Variants in SLC9A9 observed in about 807,000 individuals in gnomAD.
SLC9A9 encodes the protein sodium/hydrogen exchanger 9.
In SLC9A9, 62 loss-of-function variants were observed where a neutral mutation model predicts 77.8. The observed-to-expected ratio is 0.80, with a 90% CI of 0.65 to 0.98. SLC9A9 has a LOEUF of 0.98. SLC9A9 is among the 50% of genes least tolerant of loss of function. The probability of loss-of-function intolerance (pLI) is 0.00; values close to 1 mark genes in which losing one functional copy is unlikely to be tolerated. For missense variants in SLC9A9, 775 were observed against 774.9 expected, an observed-to-expected ratio of 1.00 and a Z score of 0.00; for synonymous variants, 320 against 283.5, an observed-to-expected ratio of 1.13 and a Z score of -1.29.
intron 12 of SLC9A9, among the ~76,000 whole-genome samples, chr3:143,405,816 A>T (rs1027811864): frequency 2.0e-5 from 3 of 152,216 alleles, no homozygotes; most frequent in Non-Finnish European, 4.4e-5. Flanking sequence ...GAGGGAGAAC[A>T]GCATATTCTG....
chr3:143,808,928 G>A (rs2008794023), intron 2 of SLC9A9, among the ~76,000 whole-genome samples: 1 of 152,104 alleles, frequency 6.6e-6, no homozygotes, highest in African/African-American at 2.4e-5. Flanking sequence ...CATAGCATTT[G>A]AAGAAACTGC....
chr3:143,439,062 A>C (rs1034307605), intron 12 of SLC9A9, among the ~76,000 whole-genome samples: 1 of 152,220 alleles, frequency 6.6e-6, no homozygotes, highest in Non-Finnish European at 1.5e-5. Flanking sequence ...ATAAAGATAA[A>C]TGAGCAGTGT....
intron 1 of SLC9A9, among the ~76,000 whole-genome samples, chr3:143,834,030 C>G (rs1008423754): frequency 6.6e-6 from 1 of 152,108 alleles, no homozygotes; most frequent in African/African-American, 2.4e-5. Flanking sequence ...GGGGAGTAAA[C>G]CAATCATGCT....
chr3:143,660,009 CT>C (rs2038956045), intron 5 of SLC9A9, among the ~76,000 whole-genome samples: 2 of 152,216 alleles, frequency 1.3e-5, no homozygotes, highest in Non-Finnish European at 2.9e-5. Flanking sequence ...CGTAACTTTG[CT>C]CTTCATTTGC....
intron 12 of SLC9A9, among the ~76,000 whole-genome samples, chr3:143,390,458 G>A (rs766496909): frequency 1.3e-5 from 2 of 152,164 alleles, no homozygotes; most frequent in Non-Finnish European, 2.9e-5. Context: ...GATAATACAT[G>A]TAAGGGGTGA....
chr3:143,633,523 A>G (rs1041801987), intron 6 of SLC9A9, among the ~76,000 whole-genome samples: 2 of 152,110 alleles, frequency 1.3e-5, no homozygotes, highest in Non-Finnish European at 2.9e-5. Context: ...AGCACAGTAT[A>G]TTTAATCTTT....
chr3:143,779,560 G>T (rs1051235978), intron 4 of SLC9A9, among the ~76,000 whole-genome samples: 2 of 151,984 alleles, frequency 1.3e-5, no homozygotes, highest in African/African-American at 4.8e-5. Flanking sequence ...TAGTACAGTC[G>T]GGGTTTCACC....
intron 12 of SLC9A9, among the ~76,000 whole-genome samples, chr3:143,455,686 T>C (rs1354341879): frequency 6.6e-6 from 1 of 152,174 alleles, no homozygotes; most frequent in Non-Finnish European, 1.5e-5. Context: ...GAAGTGGTAT[T>C]GACTTTATTA....
chr3:143,705,259 G>A (rs1258998707), intron 4 of SLC9A9, among the ~76,000 whole-genome samples: 6 of 151,970 alleles, frequency 3.9e-5, no homozygotes, highest in Non-Finnish European at 7.4e-5. Flanking sequence ...TGAACTCACA[G>A]AAATAGAAAG....
intron 2 of SLC9A9, among the ~76,000 whole-genome samples, chr3:143,805,192 T>C (rs1468989588): frequency 1.3e-5 from 2 of 152,136 alleles, no homozygotes. Flanking sequence ...GTATCTTCCA[T>C]TTAGTTTCTC....
At chr3:143,838,933 C>T (rs2009639672) in intron 1 of SLC9A9, among the ~76,000 whole-genome samples, 1 of 152,032 alleles carries the variant, frequency 6.6e-6, no homozygotes, top group African/African-American at 2.4e-5. Flanking sequence ...GATATTTATC[C>T]CTTCCCATTT....
intron 12 of SLC9A9, among the ~76,000 whole-genome samples, chr3:143,398,068 C>T (rs866854098): frequency 6.6e-6 from 1 of 152,082 alleles, no homozygotes; most frequent in African/African-American, 2.4e-5. Context: ...TCATTCAAAA[C>T]ATGAAATTCT....
chr3:143,713,730 CA>C lies in SLC9A9; in HGVS notation c.534-20424del, dbSNP rs568177186. ...GGGGAAGTAGGACAAAATAAACAAA[CA>C]AAAAACACATACAGGTGTACTTGAG... On this transcript the variant is annotated intron_variant, in intron 4 of 15. Coordinates refer to ENST00000316549, the MANE Select transcript of SLC9A9 (RefSeq NM_173653.4). 1.0e-3 allele frequency among the ~76,000 whole-genome samples: 154 copies of C among 152,010 alleles called. 1 individual carries two copies. Among genetic ancestry groups the C allele is most frequent in the African/African-American group, 3.4e-3 (141 of 41,452 alleles).
In SLC9A9 at chr3:143,440,306, T is replaced by C. The variant is rs139501967; in HGVS notation, c.1469+26731A>G. Among the ~76,000 whole-genome samples the C allele has an allele frequency of 3.4e-3, 517 of 152,300 alleles. 7 individuals carry two copies. The highest frequency in any genetic ancestry group is 0.012 in the African/African-American group (490 of 41,564). ...TGAATGGTATCTTTAATCTCCACTG[T>C]GCTAATGCTGCTTGAGTTCTGGGAG... is the stretch of plus-strand genomic sequence containing the variant. On this transcript the variant is annotated intron_variant, in intron 12 of 15. Coordinates refer to ENST00000316549, the MANE Select transcript of SLC9A9 (RefSeq NM_173653.4).
intron 5 of SLC9A9, among the ~76,000 whole-genome samples, chr3:143,677,898 C>T (rs1032587926): frequency 6.8e-6 from 1 of 146,468 alleles, no homozygotes; most frequent in African/African-American, 2.5e-5. Flanking sequence ...ACAATCTCGG[C>T]TCACTGCAAG....
At chr3:143,290,323 C>T (rs902405735) in intron 14 of SLC9A9, among the ~76,000 whole-genome samples, 6 of 152,232 alleles carry the variant, frequency 3.9e-5, no homozygotes. Context: ...ACTTGGCAGA[C>T]TGCAAGTTCC....
Position 143,649,835 on chromosome 3 carries a change from A to T in SLC9A9, c.755+2420T>A, listed in dbSNP as rs111924696. Among the ~76,000 whole-genome samples the T allele has an allele frequency of 7.8e-3, 1,183 of 152,278 alleles. 19 individuals carry two copies. The highest frequency in any genetic ancestry group is 0.025 in the African/African-American group (1,042 of 41,536). ...CTTTTTTTTCCATAACACAAGAATA[A>T]CTCTATCACTGTTCTTAAACTTCAA... On this transcript the variant is annotated intron_variant, in intron 6 of 15. Transcript: ENST00000316549.
At chr3:143,474,708 T>G (rs2035439535) in intron 11 of SLC9A9, among the ~76,000 whole-genome samples, 1 of 151,878 alleles carries the variant, frequency 6.6e-6, no homozygotes, top group African/African-American at 2.4e-5. Context: ...GATATGAGTG[T>G]GGAGTTCAGG....
At chr3:143,301,145 C>T (rs1238379623) in intron 14 of SLC9A9, among the ~76,000 whole-genome samples, 1 of 152,162 alleles carries the variant, frequency 6.6e-6, no homozygotes, top group Non-Finnish European at 1.5e-5. Flanking sequence ...TGCAGAACGG[C>T]CACAGGATGT....
Sources: gnomAD v4.1 joint callset for allele counts (sites outside exome capture counted in the v4.1 genomes callset) on GRCh38, gnomAD v4.1.1 for gene constraint, MANE v1.5 for transcripts, NCBI Gene and HGNC (gene_info 2026-07-23, HGNC 2026-07-21) for gene names.